STIM1: variants seen among roughly 807,000 people sequenced by gnomAD.
STIM1 encodes the protein stromal interaction molecule 1.
STIM1 carries 25 observed loss-of-function variants against 74.7 expected under a neutral mutation model. The ratio of observed to expected loss-of-function variants is 0.33; its 90% confidence interval spans 0.24 to 0.47. The LOEUF (loss-of-function observed/expected upper bound fraction) is 0.47, where lower values mean the gene tolerates loss of function less well. STIM1 is among the 20% of genes least tolerant of loss of function. The pLI is 1.00. For synonymous variants in STIM1, 328 were observed against 348.8 expected, an observed-to-expected ratio of 0.94 and a Z score of 0.66; for missense variants, 728 against 920.8, an observed-to-expected ratio of 0.79 and a Z score of 2.71.
Position 3,856,204 on chromosome 11 carries a change from C to T in STIM1, c.-67C>T. On this transcript the variant is annotated 5_prime_UTR_variant, in exon 1 of 13. Coordinates refer to ENST00000526596, the MANE Select transcript of STIM1 (RefSeq NM_001382567.1). ...GGAGACCGTCGGCTGCACTCCCGGG[C>T]TCCTGGCTTTGCCTCTGGGATCCCG... 1 of 1,607,558 alleles carries T rather than the reference C, an allele frequency of 6.2e-7. No individual in the cohort carries two copies. The highest frequency in any genetic ancestry group is 2.2e-5 in the East Asian group (1 of 44,828).
chr11:4,014,318 C>T (rs11525342), intron 2 of STIM1, among the ~76,000 whole-genome samples: 7,815 of 152,158 alleles, frequency 0.051, 336 homozygotes, highest in East Asian at 0.19. Context: ...TCCAGTAGTC[C>T]TTCAGGAGCA....
At chr11:3,953,780 C>CTTCTT (rs2093177968) in intron 1 of STIM1, among the ~76,000 whole-genome samples, 2 of 131,090 alleles carry the variant, frequency 1.5e-5, no homozygotes, top group South Asian at 5.3e-4. Flanking sequence ...TGATCTTCTT[C>CTTCTT]TTTCTTTTTT....
chr11:3,895,608 C>CTCTTTCTCTTTCTTTCTTTCTTTCTT lies in STIM1; in HGVS notation c.139+39206_139+39207insCTTTCTTTCTTTCTTTCTTTCTTTCT, dbSNP rs1565104462. Among the ~76,000 whole-genome samples the CTCTTTCTCTTTCTTTCTTTCTTTCTT allele has an allele frequency of 3.7e-3, 198 of 52,870 alleles. 10 individuals carry two copies. Among genetic ancestry groups the CTCTTTCTCTTTCTTTCTTTCTTTCTT allele is most frequent in the African/African-American group, 8.9e-3 (78 of 8,804 alleles). 34.7% of individuals were successfully genotyped at this position (52,870 alleles called of 152,430 possible). ...CGGGAATAGTGTTCTTTCTTTCTCT[C>CTCTTTCTCTTTCTTTCTTTCTTTCTT]TCTTTCTTTCTTTCTTTCTTTCTTT... On this transcript the variant is annotated intron_variant, in intron 1 of 12. Transcript: ENST00000526596.
intron 1 of STIM1, among the ~76,000 whole-genome samples, chr11:3,965,407 T>C (rs2093329983): frequency 6.6e-6 from 1 of 152,216 alleles, no homozygotes; most frequent in East Asian, 1.9e-4. Flanking sequence ...AAATGAGATA[T>C]GATTCATGTT....
chr11:4,048,383 TAA>T (rs2094210680), intron 3 of STIM1, among the ~76,000 whole-genome samples: 1 of 152,238 alleles, frequency 6.6e-6, no homozygotes. Context: ...AATTTGTATA[TAA>T]GTGTAAACAA....
At chr11:3,957,051 A>AAT (rs1223017542) in intron 1 of STIM1, among the ~76,000 whole-genome samples, 2 of 152,050 alleles carry the variant, frequency 1.3e-5, no homozygotes, top group Non-Finnish European at 2.9e-5. Flanking sequence ...CCAAGGAATA[A>AAT]ATATATCATG....
chr11:4,005,542 A>G (rs913851469), intron 2 of STIM1, among the ~76,000 whole-genome samples: 12 of 134,308 alleles, frequency 8.9e-5, no homozygotes, highest in African/African-American at 3.3e-4. Context: ...AGAACACATG[A>G]CACAGGAAGG....
intron 1 of STIM1, among the ~76,000 whole-genome samples, chr11:3,919,562 T>G (rs1350065254): frequency 6.6e-6 from 1 of 152,048 alleles, no homozygotes; most frequent in African/African-American, 2.4e-5. Flanking sequence ...TAGTGACTCA[T>G]AGAGAACAGG....
intron 3 of STIM1, among the ~76,000 whole-genome samples, chr11:4,025,457 T>C (rs1261441175): frequency 2.0e-5 from 3 of 152,248 alleles, no homozygotes; most frequent in Non-Finnish European, 4.4e-5. Flanking sequence ...CAACTCAGGC[T>C]ATGTACTGAT....
chr11:4,074,260 C>T lies in STIM1; in HGVS notation c.792-242C>T, dbSNP rs141752857. 4.0e-3 allele frequency among the ~76,000 whole-genome samples: 615 copies of T among 152,320 alleles called. 22 individuals are homozygous for T. Among genetic ancestry groups the T allele is most frequent in the Admixed American group, 0.033 (509 of 15,308 alleles). On this transcript the variant is annotated intron_variant, in intron 6 of 12. Coordinates refer to ENST00000526596, the MANE Select transcript of STIM1 (RefSeq NM_001382567.1). ...ATAGTTTCGAGGAGGGATTCAGATG[C>T]CTGAGAGCCTGGCTTCATAGCCTTG... is the stretch of plus-strand genomic sequence containing the variant.
chr11:4,092,185 T>C lies in STIM1; in HGVS notation c.*387T>C. 3.1e-6 allele frequency: 1 copy of C among 322,958 alleles called. No homozygotes were observed. 20.0% of individuals were successfully genotyped at this position (322,958 alleles called of 1,614,324 possible). On this transcript the variant is annotated 3_prime_UTR_variant, in exon 13 of 13. Transcript: ENST00000526596. ...CTTTCGGGCTCCTCCCTCCCACCACTCCCCAACTTCCCCTAGCAGTTGCAG... is the reference window on the plus strand; with the variant it reads ...CTTTCGGGCTCCTCCCTCCCACCACCCCCCAACTTCCCCTAGCAGTTGCAG...
chr11:4,059,773 T>A (rs540406510), intron 5 of STIM1, among the ~76,000 whole-genome samples: 20 of 152,122 alleles, frequency 1.3e-4, no homozygotes, highest in Non-Finnish European at 1.9e-4. Context: ...ACCTCTGCCT[T>A]TAAGGGTGGA....
chr11:3,861,137 T>C (rs2090581333), intron 1 of STIM1, among the ~76,000 whole-genome samples: 1 of 152,004 alleles, frequency 6.6e-6, no homozygotes, highest in Non-Finnish European at 1.5e-5. Flanking sequence ...GGTAGCTGGA[T>C]GATCATTAGG....
chr11:4,082,508 C>A (rs899784267), intron 8 of STIM1, among the ~76,000 whole-genome samples, 157 bp downstream of exon 8: 2 of 152,178 alleles, frequency 1.3e-5, no homozygotes, highest in African/African-American at 4.8e-5. Context: ...CAGCTCCTGA[C>A]AGTGTCCTCA....
chr11:3,962,445 TTGTGTGTG>T (rs139472251), intron 1 of STIM1, among the ~76,000 whole-genome samples: 5 of 147,622 alleles, frequency 3.4e-5, no homozygotes, highest in Non-Finnish European at 7.5e-5. Context: ...CTGAGTAGTA[TTGTGTGTG>T]TGTGTGTGTG....
At chr11:3,934,653 C>T (rs1037412500) in intron 1 of STIM1, among the ~76,000 whole-genome samples, 6 of 152,222 alleles carry the variant, frequency 3.9e-5, no homozygotes, top group Admixed American at 2.0e-4. Flanking sequence ...CCTTGGTACA[C>T]TGATGCCCAA....
At position 4,070,072 on chromosome 11, in the gene STIM1, C is replaced by T. The variant is rs200982503; in HGVS notation, c.660C>T (p.Ile220=). ...AGGACTTCATGCTGGTGGTGTCTAT[C>T]GTTATTGGTGTGGGCGGCTGCTGGT... ...HLKDFMLVVS[I]VIGVGGCWFA... is the part of the protein sequence containing the mutation. Residue 220 remains isoleucine, a synonymous_variant, in exon 6 of 13, where the codon ATC becomes ATT. Coordinates refer to ENST00000526596, the MANE Select transcript of STIM1 (RefSeq NM_001382567.1). 7.6e-5 allele frequency: 122 copies of T among 1,614,132 alleles called. 2 individuals are homozygous for T. In the South Asian group the frequency reaches 1.1e-3, roughly 14 times the overall value.
intron 5 of STIM1, among the ~76,000 whole-genome samples, chr11:4,065,196 G>T (rs1008274630): frequency 6.6e-6 from 1 of 152,172 alleles, no homozygotes; most frequent in African/African-American, 2.4e-5. Context: ...ATTGTTGCGG[G>T]TCAGGGGCAG....
intron 12 of STIM1, among the ~76,000 whole-genome samples, chr11:4,087,511 G>A (rs1012092141): frequency 6.6e-6 from 1 of 152,188 alleles, no homozygotes; most frequent in Admixed American, 6.5e-5. Context: ...CTGGATATGT[G>A]TTGGTGGGAA....
Sources: gnomAD v4.1 joint callset for allele counts (sites outside exome capture counted in the v4.1 genomes callset) on GRCh38, gnomAD v4.1.1 for gene constraint, MANE v1.5 for transcripts, NCBI Gene and HGNC (gene_info 2026-07-23, HGNC 2026-07-21) for gene names.